Variants in TTC34 observed in about 807,000 individuals in gnomAD.
TTC34 encodes the protein tetratricopeptide repeat protein 34.
Under a neutral mutation model 40.7 loss-of-function variants are expected in TTC34, and 44 were observed. The observed-to-expected ratio is 1.08, with a 90% CI of 0.85 to 1.39. TTC34 has a LOEUF of 1.39. Ranked by LOEUF, TTC34 falls within the 40% of genes most tolerant of loss-of-function variation. The probability of loss-of-function intolerance (pLI) is 0.00; values close to 1 mark genes in which losing one functional copy is unlikely to be tolerated. For synonymous variants in TTC34, 422 were observed against 398.6 expected, an observed-to-expected ratio of 1.06 and a Z score of -0.70; for missense variants, 884 against 838.0, an observed-to-expected ratio of 1.05 and a Z score of -0.68.
intron 8 of TTC34, among the ~76,000 whole-genome samples, chr1:2,642,951 C>A (rs1202683958): frequency 6.6e-6 from 1 of 152,246 alleles, no homozygotes; most frequent in Non-Finnish European, 1.5e-5. Flanking sequence ...CGTCCCTCGC[C>A]TGCGGTGCGG....
At chr1:2,756,902 C>A (rs1641525250) in intron 6 of TTC34, among the ~76,000 whole-genome samples, 1,355 of 130,884 alleles carry the variant, frequency 0.01, 1 homozygote, top group African/African-American at 0.027. Context: ...GAGCAGTACC[C>A]ACACCCACAG....
chr1:2,650,986 A>C (rs1639118816), intron 6 of TTC34, among the ~76,000 whole-genome samples: 1 of 148,888 alleles, frequency 6.7e-6, no homozygotes, highest in African/African-American at 2.5e-5. Flanking sequence ...GGCACCCCAA[A>C]CCCCCAATAA....
chr1:2,683,704 G>A (rs1455698961), intron 6 of TTC34, among the ~76,000 whole-genome samples: 1 of 148,352 alleles, frequency 6.7e-6, no homozygotes, highest in Non-Finnish European at 1.5e-5. Context: ...GCCTGGAACA[G>A]CACCCACACC....
chr1:2,653,690 C>G (rs1428137048), intron 6 of TTC34, among the ~76,000 whole-genome samples: 17 of 151,640 alleles, frequency 1.1e-4, no homozygotes, highest in African/African-American at 3.9e-4. Context: ...GCACCCACAC[C>G]CCCAGGTGAG....
intron 6 of TTC34, among the ~76,000 whole-genome samples, chr1:2,752,061 C>A (rs1246473127): frequency 0.28 from 29,421 of 106,736 alleles, 9,079 homozygotes; most frequent in South Asian, 0.44. Flanking sequence ...CCCAGGCGAA[C>A]ATCTGAACGC....
At chr1:2,686,817 C>CACCCTGTACCCTCAGGTGCGCAAG (rs1640378833) in intron 6 of TTC34, among the ~76,000 whole-genome samples, 1 of 116,330 alleles carries the variant, frequency 8.6e-6, no homozygotes. Flanking sequence ...AGGCGAGCAT[C>CACCCTGTACCCTCAGGTGCGCAAG]TGACAGCCTG....
At chr1:2,651,569 T>G (rs766804116) in intron 6 of TTC34, among the ~76,000 whole-genome samples, 8 of 149,462 alleles carry the variant, frequency 5.4e-5, no homozygotes, top group Non-Finnish European at 8.9e-5. Context: ...TTCAGCTGAG[T>G]GTCTGAGAGC....
chr1:2,748,906 G>A (rs1441168934), intron 6 of TTC34, among the ~76,000 whole-genome samples: 67 of 30,440 alleles, frequency 2.2e-3, no homozygotes, highest in African/African-American at 2.8e-3. Flanking sequence ...TGACAGCCTG[G>A]AACAGAACCC....
rs1392699805 is a variant in TTC34 at position 2,753,406 on chromosome 1, G to T, written c.2226+30203C>A. ...GGCGAGCATCTGACAGCATGTAACA[G>T]CACCCACACCCACAGGTGAGCATCT... On this transcript the variant is annotated intron_variant, in intron 6 of 8. Coordinates refer to ENST00000401095, the Ensembl canonical transcript of TTC34. Among the ~76,000 whole-genome samples the T allele has an allele frequency of 1.1e-3, 141 of 126,904 alleles. 3 individuals are homozygous for T. The highest frequency in any genetic ancestry group is 1.8e-3 in the Non-Finnish European group (112 of 61,596). 83.3% of individuals were successfully genotyped at this position (126,904 alleles called of 152,430 possible).
chr1:2,644,728 TC>T (rs1449615287), intron 7 of TTC34, among the ~76,000 whole-genome samples: 1 of 152,118 alleles, frequency 6.6e-6, no homozygotes, highest in Non-Finnish European at 1.5e-5. Flanking sequence ...CTGCTTTCTC[TC>T]CCGGGCAACT....
intron 3 of TTC34, 91 bp from the exon 4 acceptor site, chr1:2,787,797 T>C (rs80083114): frequency 3.5e-6 from 4 of 1,153,456 alleles, no homozygotes; most frequent in African/African-American, 1.6e-5. Flanking sequence ...CCCGTCTCCA[T>C]GTACCTGGCC....
chr1:2,698,303 A>G (rs1640962137), intron 6 of TTC34, among the ~76,000 whole-genome samples: 1 of 67,484 alleles, frequency 1.5e-5, no homozygotes, highest in Non-Finnish European at 3.8e-5. Context: ...TGCGCACGTG[A>G]CAGCCTGGAA....
rs1485970560 is a variant in TTC34 at position 2,775,534 on chromosome 1, C to G, written c.2226+8075G>C. ...CCACCACCAGATGAGCATCTGACAA[C>G]CAGAACCTGCACCACACACCCCAAG... On this transcript the variant is annotated intron_variant, in intron 6 of 8. Transcript: ENST00000401095. 3 of 148,188 alleles carry G rather than the reference C, an allele frequency of 2.0e-5. 1 individual carries two copies. In the East Asian group the frequency reaches 5.9e-4, roughly 29 times the overall value. The allele number at this position is 148,188 out of a possible 1,614,324, so 9.2% of individuals were successfully genotyped here. A position where few individuals can be genotyped will look rare whatever the true frequency, so the allele number is the denominator to read the frequency against.
chr1:2,784,442 G>C (rs542828342), intron 5 of TTC34, among the ~76,000 whole-genome samples: 38 of 152,264 alleles, frequency 2.5e-4, no homozygotes, highest in African/African-American at 8.7e-4. Flanking sequence ...ATGACTGTGG[G>C]CAGGCCTGGA....
At chr1:2,795,599 A>T (rs1042945438) in intron 2 of TTC34, among the ~76,000 whole-genome samples, 1 of 152,254 alleles carries the variant, frequency 6.6e-6, no homozygotes, top group African/African-American at 2.4e-5. Flanking sequence ...GGTCCCAGCA[A>T]GGCACAAGGC....
chr1:2,757,741 A>T (rs1356432859), intron 6 of TTC34, among the ~76,000 whole-genome samples: 4 of 144,200 alleles, frequency 2.8e-5, no homozygotes, highest in African/African-American at 5.3e-5. Context: ...AGCCTGTAAC[A>T]GTACCCACAC....
At chr1:2,642,605 G>A (rs570691900) in intron 8 of TTC34, among the ~76,000 whole-genome samples, 1 of 152,188 alleles carries the variant, frequency 6.6e-6, no homozygotes, top group South Asian at 2.1e-4. Flanking sequence ...CCAGAAATCC[G>A]CTCGCCTCGC....
chr1:2,643,180 C>A (rs1394079779), intron 8 of TTC34, among the ~76,000 whole-genome samples: 3 of 152,226 alleles, frequency 2.0e-5, no homozygotes, highest in African/African-American at 4.8e-5. Flanking sequence ...TCCCCTGAGC[C>A]CGCGGCTCGG....
chr1:2,752,209 C>G (rs1282878708), intron 6 of TTC34, among the ~76,000 whole-genome samples: 1 of 107,490 alleles, frequency 9.3e-6, no homozygotes, highest in Non-Finnish European at 1.8e-5. Flanking sequence ...AGAACCCACA[C>G]CCCCAGGTGA....
Sources: gnomAD v4.1 joint callset for allele counts (sites outside exome capture counted in the v4.1 genomes callset) on GRCh38, gnomAD v4.1.1 for gene constraint, MANE v1.5 for transcripts, NCBI Gene and HGNC (gene_info 2026-07-23, HGNC 2026-07-21) for gene names.